Variants in ARHGAP22 observed in about 807,000 individuals in gnomAD.
ARHGAP22 encodes rho GTPase-activating protein 22.
ARHGAP22 carries 48 observed loss-of-function variants against 59.1 expected under a neutral mutation model. The ratio of observed to expected loss-of-function variants is 0.81; its 90% CI spans 0.64 to 1.03. The LOEUF is 1.03. Ranked by LOEUF, ARHGAP22 falls within the 50% of genes least tolerant of loss-of-function variation. ARHGAP22 has a pLI of 0.00. For missense variants in ARHGAP22, 1,015 were observed against 958.7 expected, an observed-to-expected ratio of 1.06 and a Z score of -0.78; for synonymous variants, 445 against 416.4, an observed-to-expected ratio of 1.07 and a Z score of -0.84.
chr10:48,625,783 G>A (rs944374926), intron 1 of ARHGAP22, among the ~76,000 whole-genome samples: 2 of 151,766 alleles, frequency 1.3e-5, no homozygotes, highest in African/African-American at 4.8e-5. Flanking sequence ...AAACTCAGAG[G>A]AGGGAAGATC....
intron 3 of ARHGAP22, among the ~76,000 whole-genome samples, chr10:48,539,290 C>CTTTTTTTTTTTTTTT (rs553835954): frequency 3.1e-5 from 4 of 129,308 alleles, no homozygotes; most frequent in African/African-American, 6.3e-5. Flanking sequence ...AGAAGGGTAA[C>CTTTTTTTTTTTTTTT]ATTTTTTTTT....
At chr10:48,484,868 C>T (rs1028923050) in intron 3 of ARHGAP22, among the ~76,000 whole-genome samples, 10 of 152,208 alleles carry the variant, frequency 6.6e-5, no homozygotes, top group African/African-American at 2.4e-4. Flanking sequence ...TTCAATCAGC[C>T]TTGCTGGAGG....
At chr10:48,554,934 G>T (rs1050084149) in intron 3 of ARHGAP22, among the ~76,000 whole-genome samples, 1 of 152,150 alleles carries the variant, frequency 6.6e-6, no homozygotes. Context: ...ATGTACACTG[G>T]CTTCTCTGCA....
intron 4 of ARHGAP22, among the ~76,000 whole-genome samples, chr10:48,472,135 G>A (rs1231932359): frequency 6.7e-6 from 1 of 150,326 alleles, no homozygotes; most frequent in Non-Finnish European, 1.5e-5. Flanking sequence ...TGAACCCGGG[G>A]GGGAAGAGGT....
At chr10:48,543,389 C>T (rs1474930312) in intron 3 of ARHGAP22, among the ~76,000 whole-genome samples, 1 of 152,166 alleles carries the variant, frequency 6.6e-6, no homozygotes, top group Non-Finnish European at 1.5e-5. Flanking sequence ...CCACCCTGAG[C>T]ACAGCCTCAG....
At chr10:48,605,933 G>A (rs1357546212), upstream of ARHGAP22, among the ~76,000 whole-genome samples, 1 of 152,182 alleles carries the variant, frequency 6.6e-6, no homozygotes, top group African/African-American at 2.4e-5. Context: ...CTGCTGCTCT[G>A]TGATGCCAGC....
At chr10:48,490,634 G>T (rs61838750) in intron 3 of ARHGAP22, among the ~76,000 whole-genome samples, 87,189 of 152,102 alleles carry the variant, frequency 0.57, 29,539 homozygotes, top group Non-Finnish European at 0.75. Flanking sequence ...CACTTCGGTG[G>T]CCACAGCTAG....
At chr10:48,630,410 T>C (rs2061592399) in intron 1 of ARHGAP22, among the ~76,000 whole-genome samples, 1 of 152,144 alleles carries the variant, frequency 6.6e-6, no homozygotes. Context: ...ATCTTAACAA[T>C]ATTGAGTCTT....
chr10:48,450,495 G>T lies in ARHGAP22; in HGVS notation c.1634C>A (p.Thr545Asn). Residue 545 changes from threonine to asparagine, a missense_variant, in exon 9 of 10, where the codon ACC becomes AAC. By Grantham distance (65) the Thr-to-Asn change is moderately conservative (BLOSUM62 0). Coordinates refer to ENST00000249601, the MANE Select transcript of ARHGAP22 (RefSeq NM_021226.4). The part of the protein sequence containing the change: ...SDSSARSSLH[T>N]DWALEPSPLP... ...CGGGGAGGGCTCCAGGGCCCAGTCG[G>T]TGTGCAGGGAACTGCGGGCAGACGA... The T allele has an allele frequency of 6.5e-7, 1 of 1,532,886 alleles. No homozygotes were observed. The highest frequency in any genetic ancestry group is 8.8e-7 in the Non-Finnish European group (1 of 1,138,954). The allele number at this position is 1,532,886 out of a possible 1,614,324, so 95.0% of individuals were successfully genotyped here. A position where few individuals can be genotyped will look rare whatever the true frequency, so the allele number is the denominator to read the frequency against.
At chr10:48,645,882 G>A (rs1355093624) in intron 1 of ARHGAP22, among the ~76,000 whole-genome samples, 2 of 152,106 alleles carry the variant, frequency 1.3e-5, no homozygotes, top group Admixed American at 6.5e-5. Flanking sequence ...AAAATTTAAA[G>A]CCAGATTGGA....
intron 3 of ARHGAP22, among the ~76,000 whole-genome samples, chr10:48,501,528 C>T (rs182952850): frequency 1.2e-4 from 18 of 152,258 alleles, no homozygotes; most frequent in Non-Finnish European, 5.9e-5. Context: ...GGCAGACCTT[C>T]GAGCTGTTGC....
At chr10:48,571,491 C>A (rs2058390957) in intron 2 of ARHGAP22, among the ~76,000 whole-genome samples, 1 of 152,154 alleles carries the variant, frequency 6.6e-6, no homozygotes, top group Non-Finnish European at 1.5e-5. Flanking sequence ...CTGGTCTGAC[C>A]ATGGAAAAGC....
intron 4 of ARHGAP22, among the ~76,000 whole-genome samples, chr10:48,473,517 T>C (rs2048416250): frequency 1.4e-5 from 1 of 73,954 alleles, no homozygotes; most frequent in Non-Finnish European, 2.5e-5. Context: ...AATGAATGAA[T>C]GAGGACTATT....
At chr10:48,579,129 C>T (rs996716131) in intron 2 of ARHGAP22, among the ~76,000 whole-genome samples, 1 of 150,902 alleles carries the variant, frequency 6.6e-6, no homozygotes. Context: ...CCCATTTTGT[C>T]CCATTTGCTC....
intron 1 of ARHGAP22, among the ~76,000 whole-genome samples, chr10:48,642,385 C>T (rs1390998768): frequency 6.6e-6 from 1 of 152,182 alleles, no homozygotes; most frequent in Non-Finnish European, 1.5e-5. Flanking sequence ...GGTACCGAAA[C>T]AGAGATATAG....
rs531674415 is a variant in ARHGAP22, at chr10:48,646,711, T to A, written c.52+5523A>T. Among the ~76,000 whole-genome samples the A allele has an allele frequency of 5.9e-4, 90 of 152,294 alleles. 2 individuals are homozygous for A. In the South Asian group the frequency reaches 0.015, roughly 26 times the overall value. On this transcript the variant is annotated intron_variant, in intron 1 of 9. Coordinates refer to the ARHGAP22 transcript ENST00000435790. The stretch of plus-strand genomic sequence containing the variant: ...AACAAAACAACCCTTTGACTGTACC[T>A]CATACTATATACAAAAATTAACTCA...
intron 3 of ARHGAP22, among the ~76,000 whole-genome samples, chr10:48,497,865 C>T (rs1461819848): frequency 1.3e-5 from 2 of 152,182 alleles, no homozygotes; most frequent in Non-Finnish European, 2.9e-5. Flanking sequence ...CTGACTCTGT[C>T]GCTGTCATGG....
At chr10:48,514,884 T>C (rs148658819) in intron 3 of ARHGAP22, among the ~76,000 whole-genome samples, 298 of 152,268 alleles carry the variant, frequency 2.0e-3, no homozygotes, top group African/African-American at 6.9e-3. Flanking sequence ...TATATTGTTT[T>C]AAATTAAGAG....
intron 3 of ARHGAP22, among the ~76,000 whole-genome samples, chr10:48,510,273 T>A (rs2052620011): frequency 6.6e-6 from 1 of 152,096 alleles, no homozygotes; most frequent in Non-Finnish European, 1.5e-5. Flanking sequence ...ACAGCAGGCA[T>A]AGAAGGAACT....
Sources: gnomAD v4.1 joint callset for allele counts (sites outside exome capture counted in the v4.1 genomes callset) on GRCh38, gnomAD v4.1.1 for gene constraint, MANE v1.5 for transcripts, NCBI Gene and HGNC (gene_info 2026-07-23, HGNC 2026-07-21) for gene names.